SBF2: variants seen among roughly 807,000 people sequenced by gnomAD.
SBF2 encodes the protein SET binding factor 2.
A neutral mutation model predicts 225.2 loss-of-function variants in SBF2; 112 were observed. That is an observed-to-expected ratio of 0.50 (90% confidence interval 0.43 to 0.58). SBF2 has a LOEUF of 0.58. Ranked by LOEUF, SBF2 falls within the 20% of genes least tolerant of loss-of-function variation. The probability of loss-of-function intolerance (pLI) is 0.00; values close to 1 mark genes in which losing one functional copy is unlikely to be tolerated. For synonymous variants in SBF2, 763 were observed against 773.3 expected, an observed-to-expected ratio of 0.99 and a Z score of 0.22; for missense variants, 1,996 against 2,206.2, an observed-to-expected ratio of 0.90 and a Z score of 1.91.
chr11:10,196,653 A>G (rs1957364699), intron 1 of SBF2, among the ~76,000 whole-genome samples: 1 of 151,970 alleles, frequency 6.6e-6, no homozygotes, highest in African/African-American at 2.4e-5. Flanking sequence ...TGCTAGGATT[A>G]TAGCGTAAGC....
At chr11:9,944,789 C>T (rs1180408914) in intron 16 of SBF2, among the ~76,000 whole-genome samples, 1 of 152,070 alleles carries the variant, frequency 6.6e-6, no homozygotes, top group Non-Finnish European at 1.5e-5. Context: ...TTATTTTTCA[C>T]AGAATTAGAA....
chr11:9,819,162 G>A (rs796184836), intron 28 of SBF2: 1 of 152,192 alleles, frequency 6.6e-6, no homozygotes, highest in South Asian at 2.1e-4. Flanking sequence ...AAAATTACTT[G>A]TAACATATGT....
intron 1 of SBF2, among the ~76,000 whole-genome samples, chr11:10,281,397 T>C (rs925625688): frequency 6.6e-6 from 1 of 152,214 alleles, no homozygotes; most frequent in African/African-American, 2.4e-5. Flanking sequence ...AGAACACTTA[T>C]AGGATACTGC....
In SBF2 at chr11:9,962,113, A is replaced by G. The variant is rs1866611608; in HGVS notation, c.1711-7T>C. On this transcript the variant is annotated splice_region_variant and splice_polypyrimidine_tract_variant and intron_variant, in intron 15 of 39. Transcript: ENST00000256190. ...TGAGTGCAGCAGGAAGGGTCTGAGG[A>G]CAAGAGAGGTACAAATGACCAAATG... The G allele has an allele frequency of 6.2e-7, 1 of 1,613,880 alleles. No individual in the cohort carries two copies. The highest frequency in any genetic ancestry group is 1.1e-5 in the South Asian group (1 of 91,078).
At chr11:9,846,703 G>A (rs967823725) in intron 23 of SBF2, among the ~76,000 whole-genome samples, 28 of 152,256 alleles carry the variant, frequency 1.8e-4, no homozygotes, top group African/African-American at 6.3e-4. Context: ...AGAACCAATC[G>A]TACTTGTCTA....
At chr11:10,039,889 G>A (rs1407038023) in intron 3 of SBF2, among the ~76,000 whole-genome samples, 3 of 151,668 alleles carry the variant, frequency 2.0e-5, no homozygotes, top group Admixed American at 6.6e-5. Flanking sequence ...GATAATTTGT[G>A]CATTAAAATA....
At chr11:9,789,720 T>C (rs1026183031) in intron 34 of SBF2, among the ~76,000 whole-genome samples, 7 of 152,128 alleles carry the variant, frequency 4.6e-5, no homozygotes, top group African/African-American at 1.4e-4. Context: ...CATGAATCAT[T>C]ATGTATACCC....
At chr11:9,805,062 T>C (rs1787076105) in intron 32 of SBF2, among the ~76,000 whole-genome samples, 1 of 152,078 alleles carries the variant, frequency 6.6e-6, no homozygotes, top group Admixed American at 6.5e-5. Context: ...CTGGACAACA[T>C]GGCAAAACCC....
chr11:10,227,410 G>C (rs1300615118), intron 1 of SBF2, among the ~76,000 whole-genome samples: 1 of 152,156 alleles, frequency 6.6e-6, no homozygotes, highest in Non-Finnish European at 1.5e-5. Context: ...CCTATGTCCT[G>C]AATGGTATTG....
intron 2 of SBF2, among the ~76,000 whole-genome samples, chr11:10,084,888 T>C (rs1252550873): frequency 6.6e-6 from 1 of 152,148 alleles, no homozygotes; most frequent in African/African-American, 2.4e-5. Context: ...TGTGTTCACA[T>C]GGATGAGAGA....
At chr11:10,071,198 T>C (rs1950852221) in intron 2 of SBF2, among the ~76,000 whole-genome samples, 1 of 151,986 alleles carries the variant, frequency 6.6e-6, no homozygotes, top group African/African-American at 2.4e-5. Context: ...CAACACTAAG[T>C]TGAATAGAAG....
chr11:9,860,709 G>A (rs1590246135), intron 17 of SBF2, among the ~76,000 whole-genome samples: 1 of 152,228 alleles, frequency 6.6e-6, no homozygotes, highest in East Asian at 1.9e-4. Context: ...AGTATACTCA[G>A]GGCAGTACCA....
intron 6 of SBF2, among the ~76,000 whole-genome samples, chr11:10,004,537 C>G (rs1013727357): frequency 2.7e-4 from 40 of 147,632 alleles, no homozygotes; most frequent in African/African-American, 9.9e-4. Flanking sequence ...GGAAAACCAA[C>G]CTCCATTTTA....
chr11:10,081,339 T>G (rs1030637573), intron 2 of SBF2, among the ~76,000 whole-genome samples: 1 of 151,698 alleles, frequency 6.6e-6, no homozygotes, highest in Non-Finnish European at 1.5e-5. Flanking sequence ...GGGTCAACAA[T>G]GAAATTAAGG....
chr11:10,267,959 T>G (rs903136891), intron 1 of SBF2, among the ~76,000 whole-genome samples: 2 of 152,224 alleles, frequency 1.3e-5, no homozygotes, highest in Admixed American at 1.3e-4. Context: ...CAATCTCATG[T>G]GGATTTGGGT....
At chr11:10,071,261 CTCTCTTTT>C (rs1387837021) in intron 2 of SBF2, among the ~76,000 whole-genome samples, 19 of 116,722 alleles carry the variant, frequency 1.6e-4, no homozygotes, top group African/African-American at 5.3e-4. Flanking sequence ...TTTTCTCTCT[CTCTCTTTT>C]TTTTTTTTTT....
chr11:10,226,334 TTTA>T (rs1380041672), intron 1 of SBF2, among the ~76,000 whole-genome samples: 1 of 152,046 alleles, frequency 6.6e-6, no homozygotes, highest in Non-Finnish European at 1.5e-5. Flanking sequence ...TTTTCTTAAT[TTTA>T]TTATTATTAT....
chr11:9,861,880 T>C (rs1174735411), intron 17 of SBF2, among the ~76,000 whole-genome samples: 1 of 152,152 alleles, frequency 6.6e-6, no homozygotes, highest in Non-Finnish European at 1.5e-5. Flanking sequence ...ATGCAAAAAC[T>C]AATCTAAATA....
chr11:9,794,646 C>CA (rs1459012563), intron 33 of SBF2, among the ~76,000 whole-genome samples: 4 of 109,252 alleles, frequency 3.7e-5, no homozygotes, highest in Non-Finnish European at 6.7e-5. Flanking sequence ...GCCTTGGAGA[C>CA]AGAGTGATAC....
Sources: allele counts gnomAD v4.1 joint callset (sites outside exome capture counted in the v4.1 genomes callset), GRCh38; gene constraint gnomAD v4.1.1; transcripts MANE v1.5; gene names NCBI Gene and HGNC (gene_info 2026-07-23, HGNC 2026-07-21).